Variants in CSMD1 observed in about 807,000 individuals in gnomAD.
CSMD1 encodes CUB and sushi domain-containing protein 1.
CSMD1 carries 213 observed loss-of-function variants against 417.5 expected under a neutral mutation model. The observed-to-expected ratio is 0.51, with a 90% CI of 0.46 to 0.57. The LOEUF (loss-of-function observed/expected upper bound fraction) is 0.57. Ranked by LOEUF, CSMD1 falls within the 20% of genes least tolerant of loss-of-function variation. The pLI is 0.00. For synonymous variants in CSMD1, 2,862 were observed against 1,736.8 expected (o/e 1.65, Z -16.11); for missense variants, 6,923 against 4,529.7 (o/e 1.53, Z -15.17).
chr8:3,293,617 A>G (rs117474471), intron 25 of CSMD1, among the ~76,000 whole-genome samples: 3,062 of 152,170 alleles, frequency 0.02, 39 homozygotes, highest in East Asian at 0.03. Flanking sequence ...TGTTGATTGT[A>G]TTGGCTACTG....
chr8:4,154,687 T>C (rs1338794243), intron 3 of CSMD1, among the ~76,000 whole-genome samples: 1 of 152,170 alleles, frequency 6.6e-6, no homozygotes, highest in Non-Finnish European at 1.5e-5. Context: ...AGAATTCTCA[T>C]TAAAAACGTA....
At chr8:4,558,840 AC>A (rs1798206600) in intron 2 of CSMD1, among the ~76,000 whole-genome samples, 1 of 152,194 alleles carries the variant, frequency 6.6e-6, no homozygotes, top group South Asian at 2.1e-4. Flanking sequence ...TGCACTCCAG[AC>A]TGGGCAACAA....
At chr8:3,770,366 T>TA (rs1798502778) in intron 5 of CSMD1, among the ~76,000 whole-genome samples, 1 of 152,054 alleles carries the variant, frequency 6.6e-6, no homozygotes, top group Admixed American at 6.6e-5. Flanking sequence ...CCGTCTCTAC[T>TA]AAAAATACAA....
intron 3 of CSMD1, among the ~76,000 whole-genome samples, chr8:4,229,407 C>T (rs577734581): frequency 1.3e-5 from 2 of 152,230 alleles, no homozygotes; most frequent in Non-Finnish European, 2.9e-5. Context: ...CAAGCTAGAT[C>T]ATACCTACCA....
chr8:4,223,949 G>C (rs1176983772), intron 3 of CSMD1, among the ~76,000 whole-genome samples: 1 of 152,128 alleles, frequency 6.6e-6, no homozygotes, highest in Non-Finnish European at 1.5e-5. Context: ...CTTTGTGCTT[G>C]AACATACTAG....
At chr8:3,798,656 A>T (rs1800294614) in intron 5 of CSMD1, among the ~76,000 whole-genome samples, 1 of 152,158 alleles carries the variant, frequency 6.6e-6, no homozygotes, top group Non-Finnish European at 1.5e-5. Context: ...ACATACATTT[A>T]TTCAAGAAGA....
intron 5 of CSMD1, among the ~76,000 whole-genome samples, chr8:3,867,881 G>A (rs565041072): frequency 6.6e-6 from 1 of 151,896 alleles, no homozygotes; most frequent in Non-Finnish European, 1.5e-5. Context: ...AGATCTTCCT[G>A]AACCGTTCCC....
At chr8:4,480,372 C>G (rs1399379728) in intron 2 of CSMD1, among the ~76,000 whole-genome samples, 1 of 152,064 alleles carries the variant, frequency 6.6e-6, no homozygotes, top group Non-Finnish European at 1.5e-5. Flanking sequence ...TTACATTTCT[C>G]ACTAGAATAT....
intron 8 of CSMD1, among the ~76,000 whole-genome samples, chr8:3,600,674 T>G (rs1424988597): frequency 1.3e-5 from 2 of 152,168 alleles, no homozygotes; most frequent in Non-Finnish European, 2.9e-5. Flanking sequence ...ACCATTGCTC[T>G]GGTCTAAAGC....
At chr8:4,604,846 C>G (rs1407071653) in intron 2 of CSMD1, among the ~76,000 whole-genome samples, 1 of 152,158 alleles carries the variant, frequency 6.6e-6, no homozygotes, top group African/African-American at 2.4e-5. Context: ...CAGTATAGTA[C>G]TCTGATAGCA....
chr8:2,991,100 C>G (rs1204662652), intron 54 of CSMD1, among the ~76,000 whole-genome samples: 1 of 152,204 alleles, frequency 6.6e-6, no homozygotes, highest in East Asian at 1.9e-4. Flanking sequence ...TATACATCAT[C>G]TAAAAGGTGA....
In CSMD1 at chr8:3,868,221, G is replaced by A. The variant is rs1022308456; in HGVS notation, c.819-114179C>T. Among the ~76,000 whole-genome samples the A allele has an allele frequency of 3.3e-5, 4 of 121,106 alleles. No homozygotes were observed. In the South Asian group the frequency reaches 9.9e-4, roughly 30 times the overall value. 79.5% of individuals were successfully genotyped at this position (121,106 alleles called of 152,430 possible). A position where few individuals can be genotyped will look rare whatever the true frequency, so the allele number is the denominator to read the frequency against. On this transcript the variant is annotated intron_variant, in intron 5 of 69. Transcript: ENST00000635120. ...GTACTGCGCCTGTAGAAAAAACCCAGAACGAGGATGGGGGGGCATCTCCAT... is the reference window on the plus strand; with the variant it reads ...GTACTGCGCCTGTAGAAAAAACCCAAAACGAGGATGGGGGGGCATCTCCAT...
At chr8:3,268,590 T>C (rs1801611487) in intron 26 of CSMD1, among the ~76,000 whole-genome samples, 1 of 152,114 alleles carries the variant, frequency 6.6e-6, no homozygotes, top group Admixed American at 6.6e-5. Context: ...CAGGCCCAGA[T>C]GGTTCATTTT....
Position 4,839,342 on chromosome 8 carries a change from A to T in CSMD1, c.85+154990T>A, listed in dbSNP as rs34624610. 4.6e-4 allele frequency among the ~76,000 whole-genome samples: 70 copies of T among 152,202 alleles called. 1 individual carries two copies. The highest frequency in any genetic ancestry group is 6.9e-4 in the Non-Finnish European group (47 of 67,984). On this transcript the variant is annotated intron_variant, in intron 1 of 69. Transcript: ENST00000635120. Reference sequence around the variant, plus strand: ...ATAAGATAGCATATGCAATGAATGCATACAACCAAGCAAATATATTTCATA... The same window carrying T: ...ATAAGATAGCATATGCAATGAATGCTTACAACCAAGCAAATATATTTCATA...
At chr8:3,860,220 C>G (rs778359034) in intron 5 of CSMD1, among the ~76,000 whole-genome samples, 1 of 152,244 alleles carries the variant, frequency 6.6e-6, no homozygotes, top group South Asian at 2.1e-4. Context: ...AGCACCAGGT[C>G]GTGTTCTCCA....
At chr8:4,923,352 G>A (rs950013035) in intron 1 of CSMD1, among the ~76,000 whole-genome samples, 1 of 152,082 alleles carries the variant, frequency 6.6e-6, no homozygotes, top group Non-Finnish European at 1.5e-5. Context: ...ACTTCTTAAA[G>A]GGTTGGCATA....
chr8:3,836,642 A>T (rs928991416), intron 5 of CSMD1, among the ~76,000 whole-genome samples: 1 of 152,174 alleles, frequency 6.6e-6, no homozygotes, highest in Non-Finnish European at 1.5e-5. Context: ...CAAATTACAC[A>T]TTCACAACAT....
At chr8:4,770,751 A>T (rs2117143652) in intron 1 of CSMD1, among the ~76,000 whole-genome samples, 1 of 152,216 alleles carries the variant, frequency 6.6e-6, no homozygotes, top group South Asian at 2.1e-4. Context: ...GGAAAACAAG[A>T]TTTTCTCATG....
rs550454327 is a variant in CSMD1, at chr8:3,063,782, C to G, written c.7475-11135G>C. The stretch of plus-strand genomic sequence containing the variant: ...GTGAGGTGCCTAGAGTAGTTGAATT[C>G]AGAGAGACAAAGTAAAATGATGGCT... On this transcript the variant is annotated intron_variant, in intron 49 of 69. Transcript: ENST00000635120. 2.0e-5 allele frequency among the ~76,000 whole-genome samples: 3 copies of G among 152,218 alleles called. No individual in the cohort carries two copies. The South Asian group carries it at 6.2e-4, about 32-fold the overall frequency.
Sources: allele counts gnomAD v4.1 joint callset (sites outside exome capture counted in the v4.1 genomes callset), GRCh38; gene constraint gnomAD v4.1.1; transcripts MANE v1.5; gene names NCBI Gene and HGNC (gene_info 2026-07-23, HGNC 2026-07-21).